SPECC1L: variants seen among roughly 807,000 people sequenced by gnomAD.
The protein encoded by SPECC1L is cytospin-A.
SPECC1L carries 40 observed loss-of-function variants against 116.8 expected under a neutral mutation model. The ratio of observed to expected loss-of-function variants is 0.34; its 90% CI spans 0.27 to 0.45. SPECC1L has a LOEUF of 0.45. Ranked by LOEUF, SPECC1L falls within the 20% of genes least tolerant of loss-of-function variation. The probability of loss-of-function intolerance (pLI) is 1.00; values close to 1 mark genes in which losing one functional copy is unlikely to be tolerated. For synonymous variants in SPECC1L, 504 were observed against 500.6 expected (o/e 1.01, Z -0.09); for missense variants, 1,110 against 1,373.6 (o/e 0.81, Z 3.03).
At chr22:24,413,298 C>T (rs751896025) in intron 16 of SPECC1L, among the ~76,000 whole-genome samples, 10 of 152,158 alleles carry the variant, frequency 6.6e-5, no homozygotes, top group East Asian at 1.9e-4. Context: ...CCCAACTTTC[C>T]GGGAGAAAAC....
At chr22:24,332,122 G>C (rs1412916182) in intron 8 of SPECC1L, among the ~76,000 whole-genome samples, 1 of 152,086 alleles carries the variant, frequency 6.6e-6, no homozygotes, top group African/African-American at 2.4e-5. Flanking sequence ...GGTATTATTT[G>C]GTGGGTATTT....
In SPECC1L at chr22:24,414,902, A is replaced by C. The variant is rs1242972509; in HGVS notation, c.*279A>C. 4 of 486,492 alleles carry C rather than the reference A, an allele frequency of 8.2e-6. No homozygotes were observed. The highest frequency in any genetic ancestry group is 1.5e-5 in the Non-Finnish European group (4 of 264,534). The allele number at this position is 486,492 out of a possible 1,614,324, so 30.1% of individuals were successfully genotyped here. ...CTGCTGGAGTTTTCCTTCTGAAGAG[A>C]ATATTGAACTACACTAGTGCTCCAG... On this transcript the variant is annotated 3_prime_UTR_variant, in exon 17 of 17. Coordinates refer to ENST00000314328, the MANE Select transcript of SPECC1L (RefSeq NM_015330.6).
rs1239894275 is a variant in SPECC1L, at chr22:24,280,822, C to T, written c.-38+4019C>T. 3.9e-5 allele frequency among the ~76,000 whole-genome samples: 6 copies of T among 152,182 alleles called. No individual in the cohort carries two copies. The South Asian group carries it at 8.3e-4, about 21-fold the overall frequency. On this transcript the variant is annotated intron_variant, in intron 2 of 16. Transcript: ENST00000314328. ...TTGAACTCCTGAACTTCTGGGCTCACGCTCTCCACCCTACTCGGCCACCGA... is the reference window on the plus strand; with the variant it reads ...TTGAACTCCTGAACTTCTGGGCTCATGCTCTCCACCCTACTCGGCCACCGA...
chr22:24,365,395 G>A, intron 12 of SPECC1L, 81 bp from the exon 13 acceptor site: 1 of 1,313,830 alleles, frequency 7.6e-7, no homozygotes, highest in Non-Finnish European at 1.1e-6. Flanking sequence ...TGTTGTTTTT[G>A]GAATCTTCAG....
chr22:24,352,887 C>T (rs564348290), intron 11 of SPECC1L, among the ~76,000 whole-genome samples: 4 of 152,274 alleles, frequency 2.6e-5, no homozygotes, highest in African/African-American at 9.6e-5. Context: ...AGAAAAGTTG[C>T]AAGAAGTTGT....
At chr22:24,309,983 G>A (rs769539246) in intron 3 of SPECC1L, among the ~76,000 whole-genome samples, 2 of 152,020 alleles carry the variant, frequency 1.3e-5, no homozygotes, top group East Asian at 1.9e-4. Flanking sequence ...TCCCTCTTAC[G>A]CAGTTCCCAC....
rs981703396 is a variant in SPECC1L, at chr22:24,415,489, A to G, written c.*866A>G. ...CCTGTTCTGTTAGTACCAAAGTTAC[A>G]TTGTTTCAATAAGCATAGAAATCTA... is the stretch of plus-strand genomic sequence containing the variant. On this transcript the variant is annotated 3_prime_UTR_variant, in exon 17 of 17. Transcript: ENST00000314328. 1 of 152,648 alleles carries G rather than the reference A, an allele frequency of 6.6e-6. No individual in the cohort carries two copies. The highest frequency in any genetic ancestry group is 1.5e-5 in the Non-Finnish European group (1 of 68,056). The allele number at this position is 152,648 out of a possible 1,614,324, so 9.5% of individuals were successfully genotyped here. A position where few individuals can be genotyped will look rare whatever the true frequency, so the allele number is the denominator to read the frequency against.
At chr22:24,379,900 G>T (rs1193844720) in intron 14 of SPECC1L, among the ~76,000 whole-genome samples, 1 of 152,178 alleles carries the variant, frequency 6.6e-6, no homozygotes, top group Non-Finnish European at 1.5e-5. Context: ...ATCTCACTCT[G>T]TCACCCAGGC....
At chr22:24,412,572 C>T (rs1031586488) in intron 15 of SPECC1L, 76 bp from the exon 16 acceptor site, 1 of 1,364,834 alleles carries the variant, frequency 7.3e-7, no homozygotes, top group Non-Finnish European at 1.0e-6. Flanking sequence ...ATGCATCTGT[C>T]CCAGGCAGTT....
chr22:24,382,501 G>A (rs1243643384), intron 14 of SPECC1L, among the ~76,000 whole-genome samples: 3 of 151,914 alleles, frequency 2.0e-5, no homozygotes, highest in African/African-American at 4.8e-5. Context: ...TCAGGAGATC[G>A]AGACCATCCT....
At chr22:24,314,379 A>G (rs528420836) in intron 4 of SPECC1L, among the ~76,000 whole-genome samples, 21 of 150,220 alleles carry the variant, frequency 1.4e-4, no homozygotes, top group Admixed American at 8.0e-4. Context: ...ATATAATCAT[A>G]ATACCATTAT....
chr22:24,295,423 G>A (rs532043888), intron 2 of SPECC1L, among the ~76,000 whole-genome samples: 289 of 150,162 alleles, frequency 1.9e-3, no homozygotes, highest in Non-Finnish European at 3.0e-3. Context: ...GTTGCACGAT[G>A]CTGAGGTTTG....
At chr22:24,363,205 T>C (rs549501517) in intron 11 of SPECC1L, 56 bp from the exon 12 acceptor site, 1 of 1,391,814 alleles carries the variant, frequency 7.2e-7, no homozygotes, top group South Asian at 1.2e-5. Context: ...TGTACCTTTA[T>C]TACTTTAAAG....
At chr22:24,369,693 A>G (rs2041837597) in intron 14 of SPECC1L, among the ~76,000 whole-genome samples, 1 of 152,250 alleles carries the variant, frequency 6.6e-6, no homozygotes, top group Non-Finnish European at 1.5e-5. Flanking sequence ...TTAGGAACAC[A>G]TTCTCAAAGT....
intron 2 of SPECC1L, among the ~76,000 whole-genome samples, chr22:24,283,193 G>A (rs944487906): frequency 4.0e-5 from 6 of 151,862 alleles, no homozygotes; most frequent in Non-Finnish European, 7.4e-5. Context: ...ATTCTCCTGC[G>A]TCAGCCTCAG....
chr22:24,317,345 G>A (rs1172850230), intron 4 of SPECC1L, among the ~76,000 whole-genome samples: 4 of 118,600 alleles, frequency 3.4e-5, no homozygotes, highest in Non-Finnish European at 3.7e-5. Context: ...GGACGGGGCG[G>A]CTGGCCGGGC....
intron 10 of SPECC1L, among the ~76,000 whole-genome samples, chr22:24,342,986 AG>A (rs1353431994): frequency 6.6e-6 from 1 of 152,066 alleles, no homozygotes; most frequent in Non-Finnish European, 1.5e-5. Flanking sequence ...TGAGCTCAGG[AG>A]TTTGAAACCA....
chr22:24,375,363 T>C (rs142786764), intron 14 of SPECC1L, among the ~76,000 whole-genome samples: 18 of 152,188 alleles, frequency 1.2e-4, no homozygotes, highest in Non-Finnish European at 2.6e-4. Flanking sequence ...CGGAAAAAGA[T>C]ATTACAAAAA....
chr22:24,312,207 A>G (rs1278903791), intron 3 of SPECC1L, among the ~76,000 whole-genome samples: 1 of 152,156 alleles, frequency 6.6e-6, no homozygotes, highest in Non-Finnish European at 1.5e-5. Context: ...TCCTGGGCTC[A>G]AGTGATCCAC....
Sources: gnomAD v4.1 joint callset for allele counts (sites outside exome capture counted in the v4.1 genomes callset) on GRCh38, gnomAD v4.1.1 for gene constraint, MANE v1.5 for transcripts, NCBI Gene and HGNC (gene_info 2026-07-23, HGNC 2026-07-21) for gene names.